The following HERC3 variants were observed in gnomAD, a reference collection of about 807,000 sequenced individuals.
HERC3 encodes the protein probable E3 ubiquitin-protein ligase HERC3.
Under a neutral mutation model 129.9 loss-of-function variants are expected in HERC3, and 58 were observed. The ratio of observed to expected loss-of-function variants is 0.45; its 90% CI spans 0.36 to 0.56. The LOEUF (loss-of-function observed/expected upper bound fraction) is 0.56, where lower values mean the gene tolerates loss of function less well. Ranked by LOEUF, HERC3 falls within the 20% of genes least tolerant of loss-of-function variation. HERC3 has a pLI of 0.00. For missense variants in HERC3, 835 were observed against 1,244.2 expected (o/e 0.67, Z 4.95); for synonymous variants, 430 against 451.0 (o/e 0.95, Z 0.59).
chr4:88,659,045 T>C lies in HERC3; in HGVS notation c.1146+554T>C, dbSNP rs1730213391. Among the ~76,000 whole-genome samples the C allele has an allele frequency of 1.3e-5, 2 of 152,212 alleles. 1 individual carries two copies. Among genetic ancestry groups the C allele is most frequent in the South Asian group, 4.1e-4 (2 of 4,834 alleles). On this transcript the variant is annotated intron_variant, in intron 10 of 25. Coordinates refer to ENST00000402738, the MANE Select transcript of HERC3 (RefSeq NM_014606.3). Reference sequence around the variant, plus strand: ...TGTCTTTCTGCCTGAAGGTAGAGTGTGGATCCAGGTTTCTGTGACAGGGCT... The same window carrying C: ...TGTCTTTCTGCCTGAAGGTAGAGTGCGGATCCAGGTTTCTGTGACAGGGCT...
the HERC3 span, among the ~76,000 whole-genome samples, chr4:88,575,679 G>T: frequency 6.6e-6 from 1 of 152,206 alleles, no homozygotes; most frequent in Non-Finnish European, 1.5e-5. Flanking sequence ...ATTTGTAGAA[G>T]ATATTAACTT....
At chr4:88,629,638 T>A (rs891446193) in intron 3 of HERC3, among the ~76,000 whole-genome samples, 1 of 152,222 alleles carries the variant, frequency 6.6e-6, no homozygotes, top group African/African-American at 2.4e-5. Flanking sequence ...TTAAAGTTTG[T>A]ACTGATAGAT....
chr4:88,661,313 A>G (rs1730468628), intron 10 of HERC3, among the ~76,000 whole-genome samples: 1 of 152,224 alleles, frequency 6.6e-6, no homozygotes, highest in Non-Finnish European at 1.5e-5. Flanking sequence ...CCATTTTAGT[A>G]GAATAGTTAT....
the HERC3 span, among the ~76,000 whole-genome samples, chr4:88,528,474 G>C: frequency 6.6e-6 from 1 of 152,154 alleles, no homozygotes; most frequent in Non-Finnish European, 1.5e-5. Context: ...AATGGCTCAA[G>C]ATCAAAGAGT....
At chr4:88,667,527 C>T in intron 13 of HERC3, 39 bp downstream of exon 13, 1 of 1,118,986 alleles carries the variant, frequency 8.9e-7, no homozygotes, top group South Asian at 1.4e-5. Context: ...CTTAAAAATG[C>T]ATTTTTGTAT....
At chr4:88,693,039 TGAA>T (rs1734235993) in intron 23 of HERC3, 1 of 975,412 alleles carries the variant, frequency 1.0e-6, no homozygotes, top group Non-Finnish European at 1.2e-6. Flanking sequence ...TAAACTTAGG[TGAA>T]GACAATGCTT....
rs370688874 is a variant in HERC3 at position 88,667,499 on chromosome 4, A to G, written c.1443+11A>G. On this transcript the variant is annotated intron_variant, in intron 13 of 25. Transcript: ENST00000402738. ...ATGATTCTAGAACAGGTATGTTTCT[A>G]TATTTGTAAAGTGCATTCTTAAAAA... 6.0e-5 allele frequency: 86 copies of G among 1,439,326 alleles called. No homozygotes were observed. The African/African-American group carries it at 1.0e-3, about 18-fold the overall frequency. The allele number at this position is 1,439,326 out of a possible 1,614,324, so 89.2% of individuals were successfully genotyped here.
intron 16 of HERC3, among the ~76,000 whole-genome samples, chr4:88,673,513 A>G (rs114248641): frequency 0.016 from 2,439 of 152,300 alleles, 60 homozygotes; most frequent in African/African-American, 0.056. Flanking sequence ...GACTTGAAAT[A>G]TGGTCCACTA....
chr4:88,588,383 A>C (rs1721583089), upstream of HERC3, among the ~76,000 whole-genome samples: 1 of 152,248 alleles, frequency 6.6e-6, no homozygotes. Context: ...AGTTTTTAAT[A>C]AGTTTAGTCT....
intron 16 of HERC3, among the ~76,000 whole-genome samples, chr4:88,674,978 C>T (rs1732006891): frequency 6.6e-6 from 1 of 152,176 alleles, no homozygotes; most frequent in Admixed American, 6.5e-5. Flanking sequence ...TATTCGCATA[C>T]TACTGATATA....
the HERC3 span, among the ~76,000 whole-genome samples, chr4:88,584,475 G>A: frequency 1.3e-5 from 2 of 152,148 alleles, no homozygotes; most frequent in African/African-American, 2.4e-5. Context: ...TACTGCTACC[G>A]TTTGAATGTT....
chr4:88,694,730 C>T (rs1734417480), intron 23 of HERC3, among the ~76,000 whole-genome samples: 1 of 152,162 alleles, frequency 6.6e-6, no homozygotes, highest in South Asian at 2.1e-4. Context: ...GATATTCAGT[C>T]TTACTATCCA....
At chr4:88,692,645 G>A (rs979232740) in intron 23 of HERC3, among the ~76,000 whole-genome samples, 1 of 152,168 alleles carries the variant, frequency 6.6e-6, no homozygotes, top group Non-Finnish European at 1.5e-5. Flanking sequence ...AACACTTCTT[G>A]AGTGCTTACC....
At chr4:88,655,418 C>A in intron 8 of HERC3, 114 bp downstream of exon 8, 1 of 1,198,780 alleles carries the variant, frequency 8.3e-7, no homozygotes, top group Non-Finnish European at 1.2e-6. Context: ...GAGATCTTAA[C>A]TGCATGCACG....
intron 24 of HERC3, 82 bp downstream of exon 24, chr4:88,704,363 G>C: frequency 7.0e-7 from 1 of 1,436,814 alleles, no homozygotes; most frequent in Non-Finnish European, 9.7e-7. Context: ...GCCTGGTCTC[G>C]TTCCAAGCAT....
chr4:88,562,352 AT>A, the HERC3 span, among the ~76,000 whole-genome samples: 15 of 152,010 alleles, frequency 9.9e-5, no homozygotes, highest in East Asian at 2.5e-3. Flanking sequence ...TTATTGGATT[AT>A]TTTTTTCCTA....
intron 23 of HERC3, chr4:88,695,896 G>T (rs1734551735): frequency 6.6e-6 from 1 of 152,518 alleles, no homozygotes; most frequent in Admixed American, 6.6e-5. Flanking sequence ...GGCAGTCACA[G>T]TACCGAGTCT....
chr4:88,631,582 G>C (rs1037386773), intron 3 of HERC3, among the ~76,000 whole-genome samples: 2 of 152,254 alleles, frequency 1.3e-5, no homozygotes, highest in Non-Finnish European at 2.9e-5. Flanking sequence ...TATTAAGCAA[G>C]TGAGTGTTTG....
chr4:88,655,398 G>A (rs73841607), intron 8 of HERC3, 94 bp downstream of exon 8: 43 of 1,382,330 alleles, frequency 3.1e-5, no homozygotes, highest in South Asian at 2.4e-4. Flanking sequence ...CCTAGTCACC[G>A]TCATTTTAAG....
Sources: allele counts gnomAD v4.1 joint callset (sites outside exome capture counted in the v4.1 genomes callset), GRCh38; gene constraint gnomAD v4.1.1; transcripts MANE v1.5; gene names NCBI Gene and HGNC (gene_info 2026-07-23, HGNC 2026-07-21).